LNX1: variants seen among roughly 807,000 people sequenced by gnomAD.
The protein encoded by LNX1 is E3 ubiquitin-protein ligase LNX.
LNX1 carries 54 observed loss-of-function variants against 68.4 expected under a neutral mutation model. The ratio of observed to expected loss-of-function variants is 0.79; its 90% CI spans 0.63 to 0.99. The LOEUF (loss-of-function observed/expected upper bound fraction) is 0.99, where lower values mean the gene tolerates loss of function less well. Ranked by LOEUF, LNX1 falls within the 50% of genes least tolerant of loss-of-function variation. The pLI, the probability that LNX1 is intolerant of heterozygous loss-of-function variation, is 0.00. For synonymous variants in LNX1, 336 were observed against 350.0 expected (o/e 0.96, Z 0.45); for missense variants, 906 against 926.4 (o/e 0.98, Z 0.29).
At chr4:53,647,810 T>C (rs1175723154) in intron 1 of LNX1, among the ~76,000 whole-genome samples, 1 of 152,248 alleles carries the variant, frequency 6.6e-6, no homozygotes, top group Non-Finnish European at 1.5e-5. Flanking sequence ...CAACTTTCTG[T>C]CTCTATGAAT....
chr4:53,583,154 T>C (rs909045168), intron 1 of LNX1, among the ~76,000 whole-genome samples: 1 of 152,220 alleles, frequency 6.6e-6, no homozygotes, highest in Non-Finnish European at 1.5e-5. Context: ...CAAACTCTTA[T>C]GGCAATTTTA....
intron 1 of LNX1, among the ~76,000 whole-genome samples, chr4:53,626,768 G>C (rs542164189): frequency 6.7e-6 from 1 of 150,194 alleles, no homozygotes; most frequent in African/African-American, 2.4e-5. Flanking sequence ...AAAGCTCCAG[G>C]GTTTCTTAAG....
intron 2 of LNX1, among the ~76,000 whole-genome samples, chr4:53,607,947 AC>A (rs1471603116): frequency 6.6e-6 from 1 of 152,230 alleles, no homozygotes; most frequent in African/African-American, 2.4e-5. Flanking sequence ...CATTTCTTAC[AC>A]CATATACAAA....
chr4:53,645,657 A>T (rs1291956744), intron 1 of LNX1, among the ~76,000 whole-genome samples: 1 of 152,078 alleles, frequency 6.6e-6, no homozygotes, highest in African/African-American at 2.4e-5. Flanking sequence ...TCTCCCAAAT[A>T]CTCTGTGGAT....
intron 9 of LNX1, among the ~76,000 whole-genome samples, chr4:53,468,608 G>C (rs1334715499): frequency 6.6e-6 from 1 of 152,164 alleles, no homozygotes. Context: ...CTCAAGTGCA[G>C]AGACACACAT....
intron 2 of LNX1, among the ~76,000 whole-genome samples, chr4:53,547,277 C>T (rs181308093): frequency 8.5e-5 from 13 of 152,256 alleles, no homozygotes; most frequent in Admixed American, 2.6e-4. Context: ...TATTCTAACT[C>T]CCTCCATTAC....
chr4:53,491,860 C>T (rs1179070602), intron 6 of LNX1, among the ~76,000 whole-genome samples: 2 of 146,832 alleles, frequency 1.4e-5, no homozygotes, highest in African/African-American at 2.5e-5. Context: ...TACAATGGCG[C>T]GATCTTGGCT....
At chr4:53,540,824 T>C (rs1393153932) in intron 2 of LNX1, among the ~76,000 whole-genome samples, 3 of 152,290 alleles carry the variant, frequency 2.0e-5, no homozygotes, top group Admixed American at 1.3e-4. Context: ...ATAAGGGCAC[T>C]GTATTTGATT....
intron 1 of LNX1, chr4:53,575,401 C>A (rs577990596): frequency 1.6e-6 from 1 of 607,146 alleles, no homozygotes; most frequent in Non-Finnish European, 2.1e-6. Context: ...AAGTCTCTTG[C>A]GTAGAAAGTC....
At chr4:53,514,197 T>A (rs1285409960) in intron 2 of LNX1, among the ~76,000 whole-genome samples, 1 of 152,230 alleles carries the variant, frequency 6.6e-6, no homozygotes, top group African/African-American at 2.4e-5. Context: ...GGGCAGGGAT[T>A]AAGGTTCTGC....
At chr4:53,625,082 G>A (rs1310124497) in intron 1 of LNX1, among the ~76,000 whole-genome samples, 1 of 152,138 alleles carries the variant, frequency 6.6e-6, no homozygotes, top group Non-Finnish European at 1.5e-5. Flanking sequence ...TAACTTGAAA[G>A]GGATCATTGA....
At chr4:53,530,435 G>A (rs946231542) in intron 2 of LNX1, among the ~76,000 whole-genome samples, 6 of 152,218 alleles carry the variant, frequency 3.9e-5, no homozygotes, top group African/African-American at 9.6e-5. Flanking sequence ...TTAAAGAAGT[G>A]CAACATTATA....
At position 53,461,056 on chromosome 4, in the gene LNX1, C is replaced by CA; in HGVS notation, c.2052-15dup. ...ATATCACCACATCTAAAAAAAAAAACAAAACAAGATATGATTAGTATTTTA... is the reference window on the plus strand; with the variant it reads ...ATATCACCACATCTAAAAAAAAAAACAAAAACAAGATATGATTAGTATTTTA... On this transcript the variant is annotated splice_polypyrimidine_tract_variant and intron_variant, in intron 10 of 10. Transcript: ENST00000263925. 6.6e-7 allele frequency: 1 copy of CA among 1,509,884 alleles called. No individual in the cohort carries two copies. The highest frequency in any genetic ancestry group is 2.4e-5 in the East Asian group (1 of 42,120). 93.5% of individuals were successfully genotyped at this position (1,509,884 alleles called of 1,614,324 possible). A position where few individuals can be genotyped will look rare whatever the true frequency, so the allele number is the denominator to read the frequency against.
In LNX1 at chr4:53,508,321, T is replaced by G. The variant is rs751738764; in HGVS notation, c.381-94A>C. On this transcript the variant is annotated intron_variant, in intron 2 of 10. Coordinates refer to ENST00000263925, the MANE Select transcript of LNX1 (RefSeq NM_001126328.3). Reference sequence around the variant, plus strand: ...TCAAATACAATTGAAGAATGTATAATAGGCTTGTTGAACTTGGAATTTGAT... The same window carrying G: ...TCAAATACAATTGAAGAATGTATAAGAGGCTTGTTGAACTTGGAATTTGAT... 2.0e-6 allele frequency: 3 copies of G among 1,469,104 alleles called. No homozygotes were observed. The African/African-American group carries it at 4.2e-5, about 21-fold the overall frequency. The allele number at this position is 1,469,104 out of a possible 1,614,324, so 91.0% of individuals were successfully genotyped here.
chr4:53,530,844 A>G (rs1201443926), intron 2 of LNX1, among the ~76,000 whole-genome samples: 1 of 152,170 alleles, frequency 6.6e-6, no homozygotes, highest in Non-Finnish European at 1.5e-5. Context: ...TGCTCCAGAA[A>G]AAAGGAGGGG....
intron 2 of LNX1, among the ~76,000 whole-genome samples, chr4:53,551,992 C>T (rs1011913670): frequency 2.0e-5 from 3 of 152,102 alleles, no homozygotes; most frequent in African/African-American, 7.2e-5. Flanking sequence ...ATAAGCTATC[C>T]CCACTTAGTA....
At chr4:53,465,026 T>C (rs1399847713) in intron 9 of LNX1, among the ~76,000 whole-genome samples, 1 of 152,126 alleles carries the variant, frequency 6.6e-6, no homozygotes, top group African/African-American at 2.4e-5. Flanking sequence ...TACTTGATAA[T>C]TGTTATCAAG....
chr4:53,602,392 A>G (rs1190903992), intron 2 of LNX1, among the ~76,000 whole-genome samples: 3 of 152,216 alleles, frequency 2.0e-5, no homozygotes, highest in African/African-American at 7.2e-5. Context: ...GGTTAGGTGG[A>G]ACTGTACCTG....
intron 2 of LNX1, among the ~76,000 whole-genome samples, chr4:53,548,021 A>G (rs537161408): frequency 2.0e-4 from 31 of 151,946 alleles, no homozygotes; most frequent in African/African-American, 7.5e-4. Context: ...TCCAGTTCCA[A>G]TCTTGGTGGT....
Sources: allele counts gnomAD v4.1 joint callset (sites outside exome capture counted in the v4.1 genomes callset), GRCh38; gene constraint gnomAD v4.1.1; transcripts MANE v1.5; gene names NCBI Gene and HGNC (gene_info 2026-07-23, HGNC 2026-07-21).